TBC1D22A: variants seen among roughly 807,000 people sequenced by gnomAD.
TBC1D22A encodes TBC1 domain family member 22A, also known as putative GTPase activator.
A neutral mutation model predicts 60.2 loss-of-function variants in TBC1D22A; 38 were observed. The observed-to-expected ratio is 0.63, with a 90% confidence interval of 0.49 to 0.83. The LOEUF is 0.83. Ranked by LOEUF, TBC1D22A falls within the 40% of genes least tolerant of loss-of-function variation. The pLI is 0.00. For missense variants in TBC1D22A, 628 were observed against 701.0 expected (o/e 0.90, Z 1.18); for synonymous variants, 302 against 281.7 (o/e 1.07, Z -0.72).
chr22:46,772,132 T>C (rs1036693278), intron 1 of TBC1D22A, among the ~76,000 whole-genome samples: 26 of 60,056 alleles, frequency 4.3e-4, no homozygotes, highest in African/African-American at 1.5e-3. Context: ...CATATACATA[T>C]ATATGTATAC....
rs758313265 is a variant in TBC1D22A, at chr22:47,111,616, CT to C, written c.1425+17del. On this transcript the variant is annotated intron_variant, in intron 12 of 12. Coordinates refer to ENST00000337137, the MANE Select transcript of TBC1D22A (RefSeq NM_014346.5). ...AAAAGATTTTCAAGTAAGTAAATGTCTTTTCAAAAGAACCCAAGTTTGATTT... is the reference window on the plus strand; with the variant it reads ...AAAAGATTTTCAAGTAAGTAAATGTCTTTCAAAAGAACCCAAGTTTGATTT... 3.1e-6 allele frequency: 5 copies of C among 1,606,678 alleles called. No homozygotes were observed. The African/African-American group carries it at 4.0e-5, about 13-fold the overall frequency.
chr22:46,973,725 T>G (rs1366247113), intron 8 of TBC1D22A, among the ~76,000 whole-genome samples: 1 of 152,240 alleles, frequency 6.6e-6, no homozygotes, highest in African/African-American at 2.4e-5. Context: ...TTAGATTGTG[T>G]TTTCTCATTC....
At chr22:47,154,295 C>G (rs576408941) in intron 12 of TBC1D22A, among the ~76,000 whole-genome samples, 23 of 152,348 alleles carry the variant, frequency 1.5e-4, no homozygotes, top group African/African-American at 5.5e-4. Flanking sequence ...CCCTGCCACG[C>G]GCTGAGTGAG....
intron 8 of TBC1D22A, among the ~76,000 whole-genome samples, chr22:46,936,092 C>G (rs1168692337): frequency 1.3e-5 from 2 of 152,256 alleles, no homozygotes; most frequent in Non-Finnish European, 2.9e-5. Flanking sequence ...CAGCACTGTT[C>G]CACCTTAGTG....
At chr22:46,915,916 T>A (rs934644738) in intron 8 of TBC1D22A, 4 of 450,006 alleles carry the variant, frequency 8.9e-6, no homozygotes, top group Non-Finnish European at 1.8e-5. Flanking sequence ...ACTCTGCACA[T>A]GCTGGCACTC....
chr22:47,000,840 A>G (rs2061383458), intron 10 of TBC1D22A, among the ~76,000 whole-genome samples: 1 of 151,606 alleles, frequency 6.6e-6, no homozygotes. Context: ...CAAAAAGAAA[A>G]AAAAAAAAGG....
At chr22:46,894,025 A>G (rs1449773656) in intron 6 of TBC1D22A, among the ~76,000 whole-genome samples, 1 of 152,200 alleles carries the variant, frequency 6.6e-6, no homozygotes, top group East Asian at 1.9e-4. Context: ...ATGTGCAAGG[A>G]TGGGGCGAAA....
intron 7 of TBC1D22A, among the ~76,000 whole-genome samples, chr22:46,911,022 T>G (rs2069878322): frequency 1.3e-5 from 2 of 150,078 alleles, no homozygotes; most frequent in African/African-American, 2.5e-5. Flanking sequence ...GCACTGGGGG[T>G]GGTGGGGGCT....
chr22:46,894,999 G>A (rs1366967673), intron 7 of TBC1D22A, among the ~76,000 whole-genome samples, 153 bp downstream of exon 7: 1 of 152,244 alleles, frequency 6.6e-6, no homozygotes, highest in Non-Finnish European at 1.5e-5. Flanking sequence ...GGACACAGTT[G>A]CTGACAGGAC....
intron 8 of TBC1D22A, among the ~76,000 whole-genome samples, chr22:46,958,618 A>C (rs903194632): frequency 6.6e-6 from 1 of 152,182 alleles, no homozygotes; most frequent in African/African-American, 2.4e-5. Flanking sequence ...TTAGCTCTTC[A>C]TGCATAAGCG....
intron 11 of TBC1D22A, among the ~76,000 whole-genome samples, chr22:47,062,385 C>G (rs1281356699): frequency 6.6e-6 from 1 of 152,176 alleles, no homozygotes; most frequent in East Asian, 1.9e-4. Flanking sequence ...GAGGGCTGGG[C>G]CTGCTGGCTT....
chr22:46,764,904 G>A (rs762840865), intron 1 of TBC1D22A, among the ~76,000 whole-genome samples: 1 of 152,204 alleles, frequency 6.6e-6, no homozygotes, highest in African/African-American at 2.4e-5. Flanking sequence ...GGTTTTTGGC[G>A]TTTAAAACTG....
intron 4 of TBC1D22A, among the ~76,000 whole-genome samples, chr22:46,863,438 A>G (rs916769076): frequency 1.8e-4 from 27 of 152,234 alleles, no homozygotes; most frequent in Admixed American, 4.6e-4. Context: ...TGACCAAGGG[A>G]CAGAAGCCAC....
chr22:47,136,273 G>C (rs1266392951), intron 12 of TBC1D22A, among the ~76,000 whole-genome samples: 1 of 152,192 alleles, frequency 6.6e-6, no homozygotes. Context: ...CCCCGCCCCA[G>C]GTCCCCACAG....
chr22:46,969,790 A>G (rs2073974233), intron 8 of TBC1D22A, among the ~76,000 whole-genome samples: 2 of 152,130 alleles, frequency 1.3e-5, no homozygotes, highest in African/African-American at 4.8e-5. Flanking sequence ...TGCCCCTTGT[A>G]GGGAGGTGTG....
Position 47,024,261 on chromosome 22 carries a change from TACTC to T in TBC1D22A, c.1202-12808_1202-12805del, listed in dbSNP as rs371317955. ...AGGAGATAAAGTAGATTATATAAAA[TACTC>T]AATTAATATAAAAGAAGGCCAAAAA... On this transcript the variant is annotated intron_variant, in intron 10 of 12. Coordinates refer to ENST00000337137, the MANE Select transcript of TBC1D22A (RefSeq NM_014346.5). Among the ~76,000 whole-genome samples, 101 of 152,064 alleles carry T rather than the reference TACTC, an allele frequency of 6.6e-4. No individual in the cohort carries two copies. The East Asian group carries it at 0.014, about 20-fold the overall frequency.
rs532096097 is a variant in TBC1D22A, at chr22:47,058,023, A to AC, written c.1329+20831dup. Among the ~76,000 whole-genome samples the AC allele has an allele frequency of 5.9e-4, 90 of 151,960 alleles. No individual in the cohort carries two copies. In the Middle Eastern group the frequency reaches 0.014, roughly 23 times the overall value. ...TGTGTGGCACCAGCGCAGGGCCTCG[A>AC]CCCCCCTTGGGCTGCCCTAGGTGCA... On this transcript the variant is annotated intron_variant, in intron 11 of 12. Coordinates refer to ENST00000337137, the MANE Select transcript of TBC1D22A (RefSeq NM_014346.5).
chr22:47,049,922 T>G (rs2063155176), intron 11 of TBC1D22A, among the ~76,000 whole-genome samples: 1 of 152,180 alleles, frequency 6.6e-6, no homozygotes. Context: ...GGTCCCCCTG[T>G]GTTTGGGGAA....
intron 5 of TBC1D22A, among the ~76,000 whole-genome samples, chr22:46,890,522 A>T (rs1447827603): frequency 2.0e-5 from 3 of 151,058 alleles, no homozygotes; most frequent in Non-Finnish European, 3.0e-5. Context: ...ATGGCATTTT[A>T]TATAAGGGTC....
Sources: gnomAD v4.1 joint callset for allele counts (sites outside exome capture counted in the v4.1 genomes callset) on GRCh38, gnomAD v4.1.1 for gene constraint, MANE v1.5 for transcripts, NCBI Gene and HGNC (gene_info 2026-07-23, HGNC 2026-07-21) for gene names.